The following CNTN4 variants were observed in gnomAD, a reference collection of about 807,000 sequenced individuals.
CNTN4 encodes the protein contactin-4.
In CNTN4, 77 loss-of-function variants were observed where a neutral mutation model predicts 122.5. That is an observed-to-expected ratio of 0.63 (90% CI 0.52 to 0.76). The LOEUF is 0.76. Among genes scored for constraint, CNTN4 ranks in the 30% least tolerant of loss-of-function variants. The pLI, the probability that CNTN4 is intolerant of heterozygous loss-of-function variation, is 0.00. For synonymous variants in CNTN4, 512 were observed against 447.0 expected (o/e 1.15, Z -1.83); for missense variants, 1,256 against 1,259.1 (o/e 1.00, Z 0.04).
intron 2 of CNTN4, among the ~76,000 whole-genome samples, chr3:2,143,317 A>G (rs1368336141): frequency 6.6e-6 from 1 of 152,216 alleles, no homozygotes; most frequent in East Asian, 1.9e-4. Context: ...AATGAAGTTA[A>G]ACCAAAGTTT....
chr3:2,412,228 A>C (rs1195776267), intron 3 of CNTN4, among the ~76,000 whole-genome samples: 1 of 152,076 alleles, frequency 6.6e-6, no homozygotes, highest in East Asian at 1.9e-4. Context: ...CTAGTGATGA[A>C]TATAACTGAA....
At chr3:2,217,313 T>C (rs1296789445) in intron 2 of CNTN4, among the ~76,000 whole-genome samples, 3 of 152,192 alleles carry the variant, frequency 2.0e-5, no homozygotes, top group African/African-American at 7.2e-5. Context: ...CTGGGCTCCC[T>C]GTCTTGTCGC....
At chr3:2,596,804 G>C (rs1185246808) in intron 4 of CNTN4, among the ~76,000 whole-genome samples, 1 of 152,092 alleles carries the variant, frequency 6.6e-6, no homozygotes, top group Non-Finnish European at 1.5e-5. Context: ...TTCTATCCAT[G>C]TAATTTTAAT....
intron 4 of CNTN4, among the ~76,000 whole-genome samples, chr3:2,670,421 C>CT (rs1013441326): frequency 5.9e-5 from 9 of 151,718 alleles, no homozygotes; most frequent in African/African-American, 9.7e-5. Flanking sequence ...CAACCCCTGC[C>CT]TTTTTTTTGT....
chr3:2,866,146 AT>A lies in CNTN4; in HGVS notation c.455-604del, dbSNP rs1299815309. Among the ~76,000 whole-genome samples the A allele has an allele frequency of 6.6e-5, 10 of 152,306 alleles. No homozygotes were observed. The East Asian group carries it at 1.5e-3, about 24-fold the overall frequency. On this transcript the variant is annotated intron_variant, in intron 7 of 24. Coordinates refer to ENST00000418658, the MANE Select transcript of CNTN4 (RefSeq NM_175607.3). ...AAAATTTGAGTTGATAGTAGGAGGC[AT>A]TGGGAGAAGACTGCATTGACACTCA...
chr3:2,390,512 G>A (rs1294851340), intron 3 of CNTN4, among the ~76,000 whole-genome samples: 2 of 152,090 alleles, frequency 1.3e-5, no homozygotes, highest in Non-Finnish European at 2.9e-5. Context: ...TAGCATTAAT[G>A]TTTTACTTGT....
chr3:2,493,155 G>T (rs981755732), intron 3 of CNTN4, among the ~76,000 whole-genome samples: 2 of 152,136 alleles, frequency 1.3e-5, no homozygotes, highest in African/African-American at 4.8e-5. Flanking sequence ...AATATAGAGA[G>T]TGTGTCATAC....
At chr3:2,420,935 G>T (rs1456496560) in intron 3 of CNTN4, among the ~76,000 whole-genome samples, 7 of 152,110 alleles carry the variant, frequency 4.6e-5, no homozygotes, top group Non-Finnish European at 8.8e-5. Context: ...TTCACGTTTT[G>T]CCTAATAAAG....
At chr3:2,752,570 C>T (rs1378846970) in intron 6 of CNTN4, among the ~76,000 whole-genome samples, 5 of 152,022 alleles carry the variant, frequency 3.3e-5, no homozygotes, top group East Asian at 1.9e-4. Flanking sequence ...TCACCGGCCT[C>T]GAACTCCTGA....
intron 2 of CNTN4, among the ~76,000 whole-genome samples, chr3:2,328,559 G>C (rs533554601): frequency 5.9e-5 from 9 of 152,068 alleles, no homozygotes; most frequent in African/African-American, 1.4e-4. Context: ...CATGAACATT[G>C]ATAGGAGTTA....
At chr3:2,432,444 G>C (rs2048107877) in intron 3 of CNTN4, among the ~76,000 whole-genome samples, 1 of 152,188 alleles carries the variant, frequency 6.6e-6, no homozygotes, top group African/African-American at 2.4e-5. Flanking sequence ...AGAGAATAAA[G>C]AAGAGGGCTT....
chr3:2,407,727 G>A (rs112894110), intron 3 of CNTN4, among the ~76,000 whole-genome samples: 28 of 152,250 alleles, frequency 1.8e-4, no homozygotes, highest in African/African-American at 6.7e-4. Flanking sequence ...TGTCGTATCT[G>A]TGGTCTGATG....
intron 4 of CNTN4, among the ~76,000 whole-genome samples, chr3:2,605,171 T>C (rs2081206477): frequency 6.6e-6 from 1 of 152,148 alleles, no homozygotes; most frequent in Non-Finnish European, 1.5e-5. Flanking sequence ...GCCTGTCTAA[T>C]ATTTTATTTT....
At chr3:2,378,736 C>T (rs985446780) in intron 3 of CNTN4, among the ~76,000 whole-genome samples, 16 of 147,246 alleles carry the variant, frequency 1.1e-4, no homozygotes, top group African/African-American at 4.0e-4. Context: ...AGCTTAGCTC[C>T]TTTTTTTTTT....
chr3:2,574,738 T>G (rs1422245238), intron 4 of CNTN4, among the ~76,000 whole-genome samples: 1 of 152,076 alleles, frequency 6.6e-6, no homozygotes, highest in Non-Finnish European at 1.5e-5. Flanking sequence ...AAGTGTACAG[T>G]GCAACAGGGA....
chr3:2,718,553 C>T (rs1218791022), intron 4 of CNTN4, among the ~76,000 whole-genome samples: 1 of 152,130 alleles, frequency 6.6e-6, no homozygotes, highest in African/African-American at 2.4e-5. Context: ...GGTTATATTT[C>T]ACTTAATGTT....
intron 2 of CNTN4, among the ~76,000 whole-genome samples, chr3:2,204,614 A>C (rs1226977765): frequency 6.6e-6 from 1 of 152,178 alleles, no homozygotes; most frequent in African/African-American, 2.4e-5. Context: ...ATTAACTTAT[A>C]AATCTTTTTC....
At chr3:2,766,906 CCA>C (rs1238121919) in intron 6 of CNTN4, among the ~76,000 whole-genome samples, 1 of 151,968 alleles carries the variant, frequency 6.6e-6, no homozygotes, top group African/African-American at 2.4e-5. Flanking sequence ...GTGACAAAGT[CCA>C]TGTTGGTTTG....
chr3:2,527,719 T>C lies in CNTN4; in HGVS notation c.-88-43697T>C, dbSNP rs559242509. Reference sequence around the variant, plus strand: ...TAGAAATACCTGTCTATTATTTAAATATAATTTTGTCCTCTTTGTGTCTTC... The same window carrying C: ...TAGAAATACCTGTCTATTATTTAAACATAATTTTGTCCTCTTTGTGTCTTC... On this transcript the variant is annotated intron_variant, in intron 3 of 24. Coordinates refer to ENST00000418658, the MANE Select transcript of CNTN4 (RefSeq NM_175607.3). 2.0e-5 allele frequency among the ~76,000 whole-genome samples: 3 copies of C among 152,226 alleles called. No individual in the cohort carries two copies. The South Asian group carries it at 6.2e-4, about 32-fold the overall frequency.
Sources: allele counts gnomAD v4.1 joint callset (sites outside exome capture counted in the v4.1 genomes callset), GRCh38; gene constraint gnomAD v4.1.1; transcripts MANE v1.5; gene names NCBI Gene and HGNC (gene_info 2026-07-23, HGNC 2026-07-21).